The following ATXN1 variants were observed in gnomAD, a reference collection of about 807,000 sequenced individuals.
ATXN1 encodes ataxin 1, also known as ataxin-1.
A neutral mutation model predicts 56.4 loss-of-function variants in ATXN1; 8 were observed. The observed-to-expected ratio is 0.14, with a 90% CI of 0.08 to 0.26. ATXN1 has a LOEUF of 0.26. Ranked by LOEUF, ATXN1 falls within the 10% of genes least tolerant of loss-of-function variation. The pLI is 1.00. For synonymous variants in ATXN1, 514 were observed against 494.6 expected (o/e 1.04, Z -0.52); for missense variants, 987 against 1,106.5 (o/e 0.89, Z 1.53).
At chr6:16,454,542 C>G (rs1308124082) in intron 6 of ATXN1, among the ~76,000 whole-genome samples, 2 of 152,184 alleles carry the variant, frequency 1.3e-5, no homozygotes, top group Non-Finnish European at 2.9e-5. Flanking sequence ...GCATTATCTA[C>G]AGTGTAGCCA....
chr6:16,634,883 T>C (rs2113813942), intron 3 of ATXN1, among the ~76,000 whole-genome samples: 1 of 152,346 alleles, frequency 6.6e-6, no homozygotes, highest in Non-Finnish European at 1.5e-5. Flanking sequence ...TCTGTAGCTT[T>C]CATTACCATT....
At chr6:16,613,618 T>A (rs1229958839) in intron 3 of ATXN1, among the ~76,000 whole-genome samples, 2 of 151,602 alleles carry the variant, frequency 1.3e-5, no homozygotes, top group Non-Finnish European at 2.9e-5. Flanking sequence ...AAGGCAGGAG[T>A]TTGAGACCAG....
At chr6:16,494,021 T>C (rs944932482) in intron 5 of ATXN1, among the ~76,000 whole-genome samples, 7 of 152,148 alleles carry the variant, frequency 4.6e-5, no homozygotes, top group African/African-American at 1.7e-4. Context: ...GTCTCCACCC[T>C]GCCCACCAAG....
intron 6 of ATXN1, among the ~76,000 whole-genome samples, chr6:16,387,164 C>T (rs190426916): frequency 1.3e-5 from 2 of 152,132 alleles, no homozygotes; most frequent in African/African-American, 2.4e-5. Context: ...CTAGGAAGAG[C>T]GGGAGATCAA....
chr6:16,313,483 A>C (rs1272326056), intron 7 of ATXN1, among the ~76,000 whole-genome samples: 1 of 152,214 alleles, frequency 6.6e-6, no homozygotes, highest in Admixed American at 6.5e-5. Context: ...CAGCCTGCCG[A>C]AAAATTCACG....
At chr6:16,527,229 T>G (rs560279265) in intron 4 of ATXN1, among the ~76,000 whole-genome samples, 5 of 152,070 alleles carry the variant, frequency 3.3e-5, no homozygotes, top group Non-Finnish European at 7.4e-5. Context: ...CCGCGACTAG[T>G]GACATTCCAG....
chr6:16,661,016 T>C, intron 2 of ATXN1, among the ~76,000 whole-genome samples: 1 of 151,806 alleles, frequency 6.6e-6, no homozygotes, highest in East Asian at 1.9e-4. Flanking sequence ...TTTTTGTATT[T>C]TTAGTGGAGA....
At chr6:16,710,006 G>A (rs1759488975) in intron 2 of ATXN1, among the ~76,000 whole-genome samples, 2 of 152,080 alleles carry the variant, frequency 1.3e-5, no homozygotes, top group African/African-American at 4.8e-5. Context: ...ACACATTCCC[G>A]ATAAAAACAA....
chr6:16,593,165 A>G (rs555729345), intron 3 of ATXN1, among the ~76,000 whole-genome samples: 120 of 152,270 alleles, frequency 7.9e-4, no homozygotes, highest in African/African-American at 2.8e-3. Context: ...AAGACAGAAA[A>G]GTTCTCCAAG....
At chr6:16,403,030 C>T (rs1758610130) in intron 6 of ATXN1, among the ~76,000 whole-genome samples, 1 of 152,090 alleles carries the variant, frequency 6.6e-6, no homozygotes, top group Non-Finnish European at 1.5e-5. Flanking sequence ...TAAAACAGCG[C>T]TTTGAATTTT....
At chr6:16,608,478 T>A (rs1763050456) in intron 3 of ATXN1, among the ~76,000 whole-genome samples, 1 of 152,240 alleles carries the variant, frequency 6.6e-6, no homozygotes, top group Non-Finnish European at 1.5e-5. Flanking sequence ...CGTGTGACAC[T>A]ATTATTCTTT....
chr6:16,746,971 G>A (rs1459791307), intron 2 of ATXN1, among the ~76,000 whole-genome samples: 3 of 152,036 alleles, frequency 2.0e-5, no homozygotes, highest in Admixed American at 1.3e-4. Flanking sequence ...AAGGTACAGT[G>A]AGTAGCACAA....
At chr6:16,316,365 T>C (rs1287996958) in intron 7 of ATXN1, among the ~76,000 whole-genome samples, 1 of 152,168 alleles carries the variant, frequency 6.6e-6, no homozygotes, top group African/African-American at 2.4e-5. Flanking sequence ...ACTTGTATAT[T>C]TGTCTGTTTT....
Position 16,674,412 on chromosome 6 carries a change from G to A in ATXN1, c.-614-16511C>T, listed in dbSNP as rs1366223713. On this transcript the variant is annotated intron_variant, in intron 2 of 7. Coordinates refer to ENST00000436367, the MANE Select transcript of ATXN1 (RefSeq NM_001128164.2). ...GCTGGAGTGCAGTGGTGTGATCTCG[G>A]CTCACTGCAACACTGCAAGCTCCGC... Among the ~76,000 whole-genome samples the A allele has an allele frequency of 4.2e-5, 6 of 142,510 alleles. No homozygotes were observed. In the South Asian group the frequency reaches 1.1e-3, roughly 26 times the overall value. 93.5% of individuals were successfully genotyped at this position (142,510 alleles called of 152,430 possible).
chr6:16,560,210 A>C (rs1161830962), intron 4 of ATXN1, among the ~76,000 whole-genome samples: 1 of 152,166 alleles, frequency 6.6e-6, no homozygotes, highest in Non-Finnish European at 1.5e-5. Context: ...AGCTGTAAAA[A>C]TGTCCTGACA....
intron 4 of ATXN1, among the ~76,000 whole-genome samples, chr6:16,525,385 CGA>C (rs1761371311): frequency 6.6e-6 from 1 of 152,076 alleles, no homozygotes; most frequent in Admixed American, 6.6e-5. Flanking sequence ...ATGGATGGAA[CGA>C]GAGATCATTA....
intron 6 of ATXN1, among the ~76,000 whole-genome samples, chr6:16,382,331 T>C (rs993172114): frequency 1.3e-5 from 2 of 148,948 alleles, no homozygotes; most frequent in Non-Finnish European, 3.0e-5. Flanking sequence ...GGTACGGTGG[T>C]GTGCACTTAT....
At position 16,327,633 on chromosome 6, in the gene ATXN1, GTGCTGCTGC is replaced by G. The variant is rs751421308; in HGVS notation, c.669_677del (p.Gln223_Gln225del). On this transcript the variant is annotated inframe_deletion, in exon 7 of 8. Transcript: ENST00000436367. ...TGATGAGCCCCGGAGCCCTGCTGAG[GTGCTGCTGC>G]TGCTGCTGCTGCTGCTGCTGCTGCT... 1.2e-3 allele frequency: 1,725 copies of G among 1,450,176 alleles called. 1 individual carries two copies. In the East Asian group the frequency reaches 0.021, roughly 18 times the overall value. The allele number at this position is 1,450,176 out of a possible 1,614,324, so 89.8% of individuals were successfully genotyped here. A position where few individuals can be genotyped will look rare whatever the true frequency, so the allele number is the denominator to read the frequency against.
intron 5 of ATXN1, among the ~76,000 whole-genome samples, chr6:16,487,950 A>C (rs1304064691): frequency 2.6e-5 from 4 of 152,194 alleles, no homozygotes; most frequent in Admixed American, 6.5e-5. Context: ...AGTGATGTAC[A>C]ACTGTGTTCT....
Sources: allele counts gnomAD v4.1 joint callset (sites outside exome capture counted in the v4.1 genomes callset), GRCh38; gene constraint gnomAD v4.1.1; transcripts MANE v1.5; gene names NCBI Gene and HGNC (gene_info 2026-07-23, HGNC 2026-07-21).